The following ZNF251 variants were observed in gnomAD, a reference collection of about 807,000 sequenced individuals.
ZNF251 encodes zinc finger protein 251.
Under a neutral mutation model 13.5 loss-of-function variants are expected in ZNF251, and 14 were observed. The observed-to-expected ratio is 1.04, with a 90% CI of 0.69 to 1.63. The LOEUF (loss-of-function observed/expected upper bound fraction) is 1.63. Ranked by LOEUF, ZNF251 falls within the 40% of genes most tolerant of loss-of-function variation. The probability of loss-of-function intolerance (pLI) is 0.00; values close to 1 mark genes in which losing one functional copy is unlikely to be tolerated. For missense variants in ZNF251, 764 were observed against 834.9 expected, an observed-to-expected ratio of 0.92 and a Z score of 1.05; for synonymous variants, 287 against 295.2, an observed-to-expected ratio of 0.97 and a Z score of 0.28.
At position 144,725,148 on chromosome 8, in the gene ZNF251, C is replaced by T. The variant is rs1189993715; in HGVS notation, c.278-1766G>A. On this transcript the variant is annotated intron_variant, in intron 4 of 4. Coordinates refer to ENST00000292562, the MANE Select transcript of ZNF251 (RefSeq NM_138367.2). ...CCTGCCTCAGCCTCCCGAGTAGCTG[C>T]GACTACAGATGCTCACCACTATGCT... 3.9e-5 allele frequency among the ~76,000 whole-genome samples: 6 copies of T among 152,100 alleles called. No homozygotes were observed. The East Asian group carries it at 5.8e-4, about 15-fold the overall frequency.
rs1001979089 is a variant in ZNF251 at position 144,723,306 on chromosome 8, A to G, written c.354T>C (p.Phe118=). The G allele has an allele frequency of 1.7e-5, 26 of 1,565,510 alleles. No homozygotes were observed. The highest frequency in any genetic ancestry group is 2.2e-5 in the Non-Finnish European group (25 of 1,158,562). Residue 118 remains phenylalanine (F), a synonymous_variant, in exon 5 of 5, where the codon TTT becomes TTC. Transcript: ENST00000292562. The part of the protein sequence containing the change: ...KFSEEVKTPE[F]VSRRLLRDNA... ...TATCCCTTAAGAGTCTTCTTGATACAAATTCTGGGGTTTTTACTTCTTCGG... is the reference window on the plus strand; with the variant it reads ...TATCCCTTAAGAGTCTTCTTGATACGAATTCTGGGGTTTTTACTTCTTCGG...
chr8:144,738,479 G>A (rs934909615), intron 4 of ZNF251: 9 of 893,182 alleles, frequency 1.0e-5, no homozygotes, highest in African/African-American at 7.2e-5. Flanking sequence ...TGGCAACTGC[G>A]GGACCAGGCT....
At position 144,722,906 on chromosome 8, in the gene ZNF251, G is replaced by C; in HGVS notation, c.754C>G (p.Leu252Val). The change falls in exon 5 of 5, where the codon CTT (leucine) becomes GTT (valine). Residue 252 changes from leucine (L) to valine (V), a missense_variant. Physicochemically the swap from Leu to Val is conservative, Grantham distance 32. Coordinates refer to ENST00000292562, the MANE Select transcript of ZNF251 (RefSeq NM_138367.2). The surrounding 1 kb of genome is among the most constrained non-coding windows in gnomAD (Gnocchi z 4.8). Reference sequence around the variant, plus strand: ...GTGTGAATGTGATGGTGCAGAACAAGATTTGAGCTGTGAGTAAAGGCTCGC... The same window carrying C: ...GTGTGAATGTGATGGTGCAGAACAACATTTGAGCTGTGAGTAAAGGCTCGC... ...CGRAFTHSSN[L>V]VLHHHIHTGN... is the part of the protein sequence containing the mutation. 6.2e-7 allele frequency: 1 copy of C among 1,613,996 alleles called. No individual in the cohort carries two copies.
intron 4 of ZNF251, among the ~76,000 whole-genome samples, chr8:144,725,285 G>A (rs1006825977): frequency 9.2e-5 from 14 of 152,226 alleles, no homozygotes; most frequent in African/African-American, 3.4e-4. Flanking sequence ...AAAGTGCTGG[G>A]ATTACGGGCG....
intron 4 of ZNF251, among the ~76,000 whole-genome samples, chr8:144,748,297 C>T (rs1824523881): frequency 6.6e-6 from 1 of 152,082 alleles, no homozygotes; most frequent in African/African-American, 2.4e-5. Context: ...TAGTCTTGAA[C>T]TCCTGACCTC....
Position 144,721,828 on chromosome 8 carries a change from T to G in ZNF251, c.1832A>C (p.Gln611Pro). The change falls in exon 5 of 5, where the codon CAA becomes CCA. Residue 611 changes from glutamine to proline, a missense_variant. By Grantham distance (76) the Gln-to-Pro change is moderately conservative (BLOSUM62 -1). Transcript: ENST00000292562. The part of the protein sequence containing the change: ...NAFSGKSTLI[Q>P]HQVTHTGQKP... ...CTGACCAGTGTGAGTTACCTGATGT[T>G]GAATAAGGGTTGACTTTCCACTGAA... 2 of 1,496,130 alleles carry G rather than the reference T, an allele frequency of 1.3e-6. No homozygotes were observed. Among genetic ancestry groups the G allele is most frequent in the South Asian group, 2.9e-5 (2 of 68,324 alleles). The allele number at this position is 1,496,130 out of a possible 1,614,324, so 92.7% of individuals were successfully genotyped here.
Position 144,722,944 on chromosome 8 carries a change from C to T in ZNF251, c.716G>A (p.Cys239Tyr). The T allele has an allele frequency of 6.2e-7, 1 of 1,614,026 alleles. No homozygotes were observed. The highest frequency in any genetic ancestry group is 8.5e-7 in the Non-Finnish European group (1 of 1,179,888). ...AGTAAAGGCTCGCCCACACCGGCCA[C>T]ATTCGTACGGCTTCTCCCCAGTGTG... ...RSHTGEKPYE[C>Y]GRCGRAFTHS... is the part of the protein sequence containing the mutation. Residue 239 changes from cysteine to tyrosine, a missense_variant, in exon 5 of 5, where the codon TGT becomes TAT. Transcript: ENST00000292562. This position sits in a 1 kb window ranked among gnomAD's most constrained non-coding sequence, Gnocchi z 4.8.
chr8:144,746,969 C>G (rs1238619493), intron 4 of ZNF251, among the ~76,000 whole-genome samples: 2 of 151,972 alleles, frequency 1.3e-5, no homozygotes, highest in Non-Finnish European at 2.9e-5. Flanking sequence ...TCATTGATTT[C>G]TGCTTGAATT....
intron 4 of ZNF251, among the ~76,000 whole-genome samples, chr8:144,749,356 A>C (rs1824582335): frequency 6.6e-6 from 1 of 151,358 alleles, no homozygotes; most frequent in Non-Finnish European, 1.5e-5. Context: ...GTGGTAGTAC[A>C]TGCCTGTAGT....
intron 4 of ZNF251, among the ~76,000 whole-genome samples, chr8:144,742,147 C>T (rs1223252860): frequency 1.3e-5 from 2 of 151,998 alleles, no homozygotes; most frequent in Non-Finnish European, 1.5e-5. Flanking sequence ...ATGGCTGACT[C>T]CTCATCGAAA....
At position 144,747,005 on chromosome 8, in the gene ZNF251, T is replaced by G. The variant is rs558638550; in HGVS notation, c.277+6678A>C. Among the ~76,000 whole-genome samples, 20 of 152,308 alleles carry G rather than the reference T, an allele frequency of 1.3e-4. No individual in the cohort carries two copies. The East Asian group carries it at 2.7e-3, about 21-fold the overall frequency. ...TTTATTTCTTTTCTTCTGCTTACTT[T>G]GTATTTAATTTGCTCTTCTTTTTCT... On this transcript the variant is annotated intron_variant, in intron 4 of 4. Transcript: ENST00000292562.
intron 4 of ZNF251, among the ~76,000 whole-genome samples, chr8:144,741,368 A>T (rs1005969813): frequency 2.6e-4 from 39 of 152,134 alleles, no homozygotes; most frequent in African/African-American, 9.2e-4. Flanking sequence ...ACTCATACAC[A>T]CACTCACACA....
At position 144,723,022 on chromosome 8, in the gene ZNF251, A is replaced by G. The variant is rs770759774; in HGVS notation, c.638T>C (p.Ile213Thr). 5.0e-6 allele frequency: 8 copies of G among 1,613,890 alleles called. No homozygotes were observed. The highest frequency in any genetic ancestry group is 1.7e-5 in the Admixed American group (1 of 59,996). The stretch of plus-strand genomic sequence containing the variant: ...ATTATATTTGAAGGTTTTGCTGCAT[A>G]TATCACATTTAAAGACCCTCTCTCC... ...KTGERVFKCDICSKTFKYNSD... is the reference protein window; with the variant it reads ...KTGERVFKCDTCSKTFKYNSD... Residue 213 changes from isoleucine (I) to threonine (T), a missense_variant, in exon 5 of 5, where the codon ATA becomes ACA. Transcript: ENST00000292562.
intron 4 of ZNF251, among the ~76,000 whole-genome samples, chr8:144,732,880 T>C (rs1823762958): frequency 6.7e-6 from 1 of 149,098 alleles, no homozygotes; most frequent in Admixed American, 6.7e-5. Flanking sequence ...CAAACCACAG[T>C]AGGTAACTTA....
chr8:144,730,642 C>G (rs1175697924), intron 4 of ZNF251, among the ~76,000 whole-genome samples: 1 of 152,224 alleles, frequency 6.6e-6, no homozygotes, highest in Non-Finnish European at 1.5e-5. Context: ...ACAAACACGA[C>G]TGAAACTCAG....
At chr8:144,755,262 C>T in intron 1 of ZNF251, 143 bp downstream of exon 1, 1 of 1,197,536 alleles carries the variant, frequency 8.4e-7, no homozygotes, top group Non-Finnish European at 1.1e-6. Flanking sequence ...TCGCCTCCTC[C>T]CGGCCTCTGC....
At chr8:144,749,875 C>CT (rs796849869) in intron 4 of ZNF251, among the ~76,000 whole-genome samples, 4 of 129,176 alleles carry the variant, frequency 3.1e-5, no homozygotes, top group African/African-American at 1.2e-4. Flanking sequence ...TTTTTCTTTT[C>CT]TTTTTTTTCT....
intron 4 of ZNF251, among the ~76,000 whole-genome samples, chr8:144,743,439 G>C (rs1258234612): frequency 1.3e-5 from 2 of 152,188 alleles, no homozygotes; most frequent in Non-Finnish European, 2.9e-5. Flanking sequence ...CTTATCTACT[G>C]AGGAACGTCT....
At chr8:144,755,262 C>G (rs1824906674) in intron 1 of ZNF251, 143 bp downstream of exon 1, 1 of 1,197,536 alleles carries the variant, frequency 8.4e-7, no homozygotes, top group South Asian at 1.5e-5. Context: ...TCGCCTCCTC[C>G]CGGCCTCTGC....
Sources: allele counts gnomAD v4.1 joint callset (sites outside exome capture counted in the v4.1 genomes callset), GRCh38; gene constraint gnomAD v4.1.1; non-coding constraint Gnocchi (gnomAD v3.1); transcripts MANE v1.5; gene names NCBI Gene and HGNC (gene_info 2026-07-23, HGNC 2026-07-21).